The following ESR1 variants were observed in gnomAD, a reference collection of about 807,000 sequenced individuals.
ESR1 encodes estrogen receptor 1, also known as estrogen receptor.
Under a neutral mutation model 52.7 loss-of-function variants are expected in ESR1, and 12 were observed. The observed-to-expected ratio is 0.23, with a 90% CI of 0.15 to 0.37. The LOEUF is 0.37. ESR1 is among the 10% of genes least tolerant of loss of function. The pLI is 1.00. For missense variants in ESR1, 584 were observed against 779.7 expected (o/e 0.75, Z 2.99); for synonymous variants, 305 against 316.8 (o/e 0.96, Z 0.39).
At chr6:151,915,168 C>G in intron 3 of ESR1, among the ~76,000 whole-genome samples, 1 of 151,474 alleles carries the variant, frequency 6.6e-6, no homozygotes, top group East Asian at 1.9e-4. Flanking sequence ...GCACTCCAGC[C>G]TGGCGACAGA....
At chr6:151,719,075 C>G (rs959446138) in intron 2 of ESR1, among the ~76,000 whole-genome samples, 1 of 152,176 alleles carries the variant, frequency 6.6e-6, no homozygotes, top group Non-Finnish European at 1.5e-5. Context: ...TTATAGCATC[C>G]ATTCAACCAA....
At chr6:152,056,014 TA>T (rs1160872424) in intron 5 of ESR1, among the ~76,000 whole-genome samples, 1 of 152,204 alleles carries the variant, frequency 6.6e-6, no homozygotes, top group African/African-American at 2.4e-5. Context: ...AGAGTTTAAG[TA>T]ATTTGTTCAA....
intron 4 of ESR1, among the ~76,000 whole-genome samples, chr6:152,000,657 C>A (rs576181969): frequency 1.4e-4 from 21 of 152,070 alleles, no homozygotes; most frequent in African/African-American, 5.1e-4. Flanking sequence ...TCAGTGACGG[C>A]ACCTGCATGT....
chr6:151,935,484 C>G (rs1584328803), intron 3 of ESR1, among the ~76,000 whole-genome samples: 2 of 152,310 alleles, frequency 1.3e-5, no homozygotes, highest in South Asian at 2.1e-4. Context: ...CTGAATTGTC[C>G]TATGTCCAGA....
chr6:151,864,341 T>C (rs1395162455), intron 2 of ESR1, among the ~76,000 whole-genome samples: 22 of 152,292 alleles, frequency 1.4e-4, no homozygotes, highest in Admixed American at 1.2e-3. Context: ...GAAAAAATGC[T>C]CATCATCATT....
At chr6:151,671,767 A>G (rs1282135330) in intron 1 of ESR1, among the ~76,000 whole-genome samples, 3 of 151,958 alleles carry the variant, frequency 2.0e-5, no homozygotes, top group Non-Finnish European at 4.4e-5. Flanking sequence ...CGAGATGGGC[A>G]GATCACCTGA....
intron 4 of ESR1, among the ~76,000 whole-genome samples, chr6:151,969,032 G>C (rs980651997): frequency 7.9e-5 from 12 of 152,040 alleles, no homozygotes; most frequent in Non-Finnish European, 1.6e-4. Flanking sequence ...GTGGAGGGCA[G>C]GAGTATTGGG....
rs1406714422 is a variant in ESR1, at chr6:151,939,680, A to G, written c.761-4493A>G. Reference sequence around the variant, plus strand: ...TGCAATATTATCACCAATAATGTGCAAAATTACTACTCCCATGTAGAAGAG... The same window carrying G: ...TGCAATATTATCACCAATAATGTGCGAAATTACTACTCCCATGTAGAAGAG... On this transcript the variant is annotated intron_variant, in intron 3 of 7. Transcript: ENST00000206249. Among the ~76,000 whole-genome samples the G allele has an allele frequency of 2.0e-5, 3 of 152,186 alleles. No individual in the cohort carries two copies. In the East Asian group the frequency reaches 5.8e-4, roughly 29 times the overall value.
intron 6 of ESR1, among the ~76,000 whole-genome samples, chr6:152,108,998 T>C (rs1308207753): frequency 6.6e-6 from 1 of 152,174 alleles, no homozygotes; most frequent in Non-Finnish European, 1.5e-5. Context: ...CTCAGGAAAC[T>C]CAATCATGGC....
intron 4 of ESR1, among the ~76,000 whole-genome samples, chr6:151,981,518 T>G (rs1203551992): frequency 6.6e-6 from 1 of 152,208 alleles, no homozygotes; most frequent in Non-Finnish European, 1.5e-5. Flanking sequence ...GTTGCTATAT[T>G]ATTTTTCTTC....
At chr6:151,986,074 T>G (rs1430878514) in intron 4 of ESR1, among the ~76,000 whole-genome samples, 12 of 152,126 alleles carry the variant, frequency 7.9e-5, no homozygotes, top group Admixed American at 5.2e-4. Flanking sequence ...CAGTTGTGTT[T>G]TGATGTGTGT....
intron 4 of ESR1, among the ~76,000 whole-genome samples, chr6:151,960,165 A>G (rs1412525127): frequency 6.6e-6 from 1 of 152,204 alleles, no homozygotes; most frequent in Non-Finnish European, 1.5e-5. Flanking sequence ...CTCCAGGTTC[A>G]TTGATTGCTT....
intron 4 of ESR1, among the ~76,000 whole-genome samples, chr6:151,945,057 A>C (rs1441524767): frequency 2.0e-5 from 3 of 152,078 alleles, no homozygotes; most frequent in East Asian, 1.9e-4. Flanking sequence ...CTCTACAACA[A>C]ATTTTTAAAA....
chr6:151,730,051 C>T (rs1281081350), intron 2 of ESR1, among the ~76,000 whole-genome samples: 1 of 152,198 alleles, frequency 6.6e-6, no homozygotes, highest in African/African-American at 2.4e-5. Flanking sequence ...TTCTTGGTTT[C>T]TGCTACAAGT....
chr6:151,993,422 A>G (rs187087790), intron 4 of ESR1, among the ~76,000 whole-genome samples: 1 of 152,266 alleles, frequency 6.6e-6, no homozygotes, highest in East Asian at 1.9e-4. Context: ...GAGCAAGTGA[A>G]CAGGACCTAT....
At chr6:151,875,106 G>A (rs1005587569) in intron 2 of ESR1, among the ~76,000 whole-genome samples, 3 of 152,216 alleles carry the variant, frequency 2.0e-5, no homozygotes, top group African/African-American at 7.2e-5. Flanking sequence ...AAGAGGCAAG[G>A]CCTCAAAACG....
intron 7 of ESR1, among the ~76,000 whole-genome samples, chr6:152,096,388 C>T (rs1413179722): frequency 6.6e-6 from 1 of 152,186 alleles, no homozygotes; most frequent in East Asian, 1.9e-4. Flanking sequence ...AAGTTTGCTC[C>T]ATTAAACTCC....
intron 3 of ESR1, among the ~76,000 whole-genome samples, chr6:151,897,764 T>C (rs1282957114): frequency 1.3e-5 from 2 of 152,152 alleles, no homozygotes; most frequent in Non-Finnish European, 2.9e-5. Context: ...TTTAGTAGTA[T>C]TTTTGTTTTA....
rs1252421424 is a variant in ESR1, at chr6:151,836,381, T to C, written c.453-6216T>C. Among the ~76,000 whole-genome samples the C allele has an allele frequency of 7.2e-5, 11 of 152,180 alleles. No homozygotes were observed. The South Asian group carries it at 2.3e-3, about 32-fold the overall frequency. On this transcript the variant is annotated intron_variant, in intron 1 of 7. Transcript: ENST00000206249. ...AACAAAGTCACGTCTTACATGGCAATAGAGTGTGTGCAAGGGAACTGCCAT... is the reference window on the plus strand; with the variant it reads ...AACAAAGTCACGTCTTACATGGCAACAGAGTGTGTGCAAGGGAACTGCCAT...
Sources: allele counts gnomAD v4.1 joint callset (sites outside exome capture counted in the v4.1 genomes callset), GRCh38; gene constraint gnomAD v4.1.1; transcripts MANE v1.5; gene names NCBI Gene and HGNC (gene_info 2026-07-23, HGNC 2026-07-21).